The following NUPR2 variants were observed in gnomAD, a reference collection of about 807,000 sequenced individuals.
The protein encoded by NUPR2 is nuclear protein 2, transcriptional regulator.
Under a neutral mutation model 7.3 loss-of-function variants are expected in NUPR2, and 14 were observed. The ratio of observed to expected loss-of-function variants is 1.93; its 90% CI spans 1.27 to 3.01. The LOEUF is 3.01. Among genes scored for constraint, NUPR2 ranks in the 30% most tolerant of loss-of-function variants. The pLI, the probability that NUPR2 is intolerant of heterozygous loss-of-function variation, is 0.00. For synonymous variants in NUPR2, 56 were observed against 59.7 expected (o/e 0.94, Z 0.29); for missense variants, 162 against 143.7 (o/e 1.13, Z -0.65).
chr7:56,116,193 G>A lies in NUPR2; in HGVS notation c.122C>T (p.Pro41Leu). 1.9e-6 allele frequency: 3 copies of A among 1,548,884 alleles called. No individual in the cohort carries two copies. The highest frequency in any genetic ancestry group is 2.6e-6 in the Non-Finnish European group (3 of 1,145,962). Reference protein sequence around the residue: ...CLDYYYLRDFPACGAGRSKGR... With the variant: ...CLDYYYLRDFLACGAGRSKGR... ...CTTGCTGCGCCCTGCCCCGCAGGCC[G>A]GGAAGTCGCGCAGGTAGTAGTAGTC... The change falls in exon 1 of 2, where the codon CCG (proline) becomes CTG (leucine). Residue 41 changes from proline (P) to leucine (L), a missense_variant. Coordinates refer to ENST00000329309, the MANE Select transcript of NUPR2 (RefSeq NM_001145712.2).
intron 1 of NUPR2, 120 bp downstream of exon 1, chr7:56,115,895 T>C (rs1785541849): frequency 1.2e-6 from 1 of 847,292 alleles, no homozygotes; most frequent in Non-Finnish European, 1.7e-6. Flanking sequence ...CGGGTGCGGT[T>C]CCCTAATACG....
rs1306832660 is a variant in NUPR2, at chr7:56,115,435, G to GTATATATATATA, written c.*7-539_*7-538insTATATATATATA. Among the ~76,000 whole-genome samples, 54 of 32,234 alleles carry GTATATATATATA rather than the reference G, an allele frequency of 1.7e-3. 7 individuals carry two copies. The highest frequency in any genetic ancestry group is 6.8e-3 in the African/African-American group (44 of 6,456). The allele number at this position is 32,234 out of a possible 152,430, so 21.1% of individuals were successfully genotyped here. A position where few individuals can be genotyped will look rare whatever the true frequency, so the allele number is the denominator to read the frequency against. On this transcript the variant is annotated intron_variant, in intron 1 of 1. Coordinates refer to ENST00000329309, the MANE Select transcript of NUPR2 (RefSeq NM_001145712.2). ...TATATATATATATATATATTTGTGT[G>GTATATATATATA]TGTGTGTGTGTGTGTGTGTGTGTGT...
At position 56,116,200 on chromosome 7, in the gene NUPR2, C is replaced by T. The variant is rs1458109050; in HGVS notation, c.115G>A (p.Asp39Asn). Residue 39 changes from aspartate (D) to asparagine (N), a missense_variant, in exon 1 of 2, where the codon GAC becomes AAC. Asp to Asn is a conservative substitution (Grantham distance 23). Coordinates refer to ENST00000329309, the MANE Select transcript of NUPR2 (RefSeq NM_001145712.2). ...YDCLDYYYLR[D>N]FPACGAGRSK... is the part of the protein sequence containing the mutation. ...CGCCCTGCCCCGCAGGCCGGGAAGT[C>T]GCGCAGGTAGTAGTAGTCCAGGCAG... 1.3e-6 allele frequency: 2 copies of T among 1,548,826 alleles called. No individual in the cohort carries two copies. The highest frequency in any genetic ancestry group is 1.7e-6 in the Non-Finnish European group (2 of 1,145,962).
chr7:56,115,428 T>TATATATA (rs58684972), intron 1 of NUPR2, among the ~76,000 whole-genome samples: 1 of 45,922 alleles, frequency 2.2e-5, no homozygotes, highest in South Asian at 6.6e-4. Flanking sequence ...TATATATATA[T>TATATATA]TTGTGTGTGT....
chr7:56,115,605 A>C (rs2115619345), intron 1 of NUPR2, among the ~76,000 whole-genome samples: 1 of 121,220 alleles, frequency 8.2e-6, no homozygotes, highest in Non-Finnish European at 1.7e-5. Flanking sequence ...ACAGGCGCGC[A>C]CCACAGTGCC....
chr7:56,116,269 C>T lies in NUPR2; in HGVS notation c.46G>A (p.Ala16Thr). The T allele has an allele frequency of 6.5e-7, 1 of 1,530,898 alleles. No homozygotes were observed. The highest frequency in any genetic ancestry group is 1.4e-5 in the African/African-American group (1 of 69,760). The allele number at this position is 1,530,898 out of a possible 1,614,324, so 94.8% of individuals were successfully genotyped here. A position where few individuals can be genotyped will look rare whatever the true frequency, so the allele number is the denominator to read the frequency against. ...TAGCTTATGGGTGGCGGCGGCCGAG[C>T]CAGAGCCTGCAGACGTGGAAGCGCC... ...ERALPRLQAL[A>T]RPPPPISYEE... Residue 16 changes from alanine to threonine, a missense_variant, in exon 1 of 2, where the codon GCT (alanine) becomes ACT (threonine). Physicochemically the swap from Ala to Thr is moderately conservative, Grantham distance 58 (BLOSUM62 0). Coordinates refer to ENST00000329309, the MANE Select transcript of NUPR2 (RefSeq NM_001145712.2).
intron 1 of NUPR2, among the ~76,000 whole-genome samples, chr7:56,115,424 TA>T (rs1206375468): frequency 0.013 from 639 of 49,950 alleles, 3 homozygotes; most frequent in Non-Finnish European, 0.017. Flanking sequence ...TATATATATA[TA>T]TATTTGTGTG....
At chr7:56,115,672 A>T (rs1395463144) in intron 1 of NUPR2, among the ~76,000 whole-genome samples, 2 of 135,492 alleles carry the variant, frequency 1.5e-5, no homozygotes. Flanking sequence ...GGGTTTCACC[A>T]TATTGGCCAG....
At chr7:56,115,426 T>C (rs1562891816) in intron 1 of NUPR2, among the ~76,000 whole-genome samples, 11 of 48,686 alleles carry the variant, frequency 2.3e-4, no homozygotes, top group South Asian at 6.2e-4. Context: ...TATATATATA[T>C]ATTTGTGTGT....
intron 1 of NUPR2, among the ~76,000 whole-genome samples, chr7:56,115,626 TA>T (rs67662227): frequency 0.12 from 2,558 of 21,748 alleles, 129 homozygotes; most frequent in Middle Eastern, 0.21. Context: ...TGGCTAATTT[TA>T]TATATATATA....
rs115069654 is a variant in NUPR2, at chr7:56,116,216, G to C, written c.99C>G (p.Asp33Glu). The C allele has an allele frequency of 7.7e-4, 1,185 of 1,548,026 alleles. 8 individuals are homozygous for C. The African/African-American group carries it at 0.013, about 17-fold the overall frequency. Residue 33 changes from aspartate (D) to glutamate (E), a missense_variant, in exon 1 of 2, where the codon GAC becomes GAG. Transcript: ENST00000329309. ...SYEEELYDCL[D>E]YYYLRDFPAC... ...CCGGGAAGTCGCGCAGGTAGTAGTA[G>C]TCCAGGCAGTCGTAAAGCTCCTCCT...
chr7:56,115,418 T>TATATATAC (rs1785525753), intron 1 of NUPR2, among the ~76,000 whole-genome samples: 1 of 41,102 alleles, frequency 2.4e-5, no homozygotes, highest in Non-Finnish European at 4.2e-5. Context: ...TATATATATA[T>TATATATAC]ATATATATAT....
intron 1 of NUPR2, 71 bp downstream of exon 1, chr7:56,115,944 G>T: frequency 7.6e-7 from 1 of 1,319,232 alleles, no homozygotes; most frequent in Non-Finnish European, 9.9e-7. Context: ...AGGGCGAGCA[G>T]CGCCGCGCCG....
Position 56,116,167 on chromosome 7 carries a change from C to A in NUPR2, c.148G>T (p.Gly50Cys), listed in dbSNP as rs1322278788. 2 of 1,548,196 alleles carry A rather than the reference C, an allele frequency of 1.3e-6. No homozygotes were observed. The highest frequency in any genetic ancestry group is 2.0e-5 in the Admixed American group (1 of 50,882). ...FPACGAGRSK[G>C]RTRREQALRT... ...AGCGCCTGCTCGCGCCGAGTCCGGC[C>A]CTTGCTGCGCCCTGCCCCGCAGGCC... The change falls in exon 1 of 2, where the codon GGC (glycine) becomes TGC (cysteine). Residue 50 changes from glycine to cysteine, a missense_variant. By Grantham distance (159) the Gly-to-Cys change is radical (BLOSUM62 -3). Coordinates refer to ENST00000329309, the MANE Select transcript of NUPR2 (RefSeq NM_001145712.2).
intron 1 of NUPR2, among the ~76,000 whole-genome samples, chr7:56,115,449 G>T (rs55734442): frequency 0.053 from 1,949 of 37,034 alleles, 374 homozygotes; most frequent in East Asian, 0.22. Flanking sequence ...GTGTGTGTGT[G>T]TGTGTGTGTG....
At position 56,116,210 on chromosome 7, in the gene NUPR2, G is replaced by A; in HGVS notation, c.105C>T (p.Tyr35=). Residue 35 remains tyrosine, a synonymous_variant, in exon 1 of 2, where the codon TAC becomes TAT. Coordinates refer to ENST00000329309, the MANE Select transcript of NUPR2 (RefSeq NM_001145712.2). ...EEELYDCLDY[Y]YLRDFPACGA... is the part of the protein sequence containing the mutation. ...CGCAGGCCGGGAAGTCGCGCAGGTA[G>A]TAGTAGTCCAGGCAGTCGTAAAGCT... The A allele has an allele frequency of 6.5e-7, 1 of 1,548,578 alleles. No individual in the cohort carries two copies. The highest frequency in any genetic ancestry group is 8.7e-7 in the Non-Finnish European group (1 of 1,145,870).
Position 56,116,259 on chromosome 7 carries a change from G to T in NUPR2, c.56C>A (p.Pro19Gln). 1 of 1,537,968 alleles carries T rather than the reference G, an allele frequency of 6.5e-7. No homozygotes were observed. Among genetic ancestry groups the T allele is most frequent in the Non-Finnish European group, 8.8e-7 (1 of 1,141,794 alleles). The change falls in exon 1 of 2, where the codon CCG becomes CAG. Residue 19 changes from proline (P) to glutamine (Q), a missense_variant. Transcript: ENST00000329309. ...CTCCTCCTCGTAGCTTATGGGTGGC[G>T]GCGGCCGAGCCAGAGCCTGCAGACG... The part of the protein sequence containing the change: ...LPRLQALARP[P>Q]PPISYEEELY...
At position 56,116,125 on chromosome 7, in the gene NUPR2, C is replaced by G. The variant is rs1178214835; in HGVS notation, c.190G>C (p.Ala64Pro). The G allele has an allele frequency of 1.3e-6, 2 of 1,544,892 alleles. No homozygotes were observed. The highest frequency in any genetic ancestry group is 1.7e-6 in the Non-Finnish European group (2 of 1,144,622). Residue 64 changes from alanine to proline, a missense_variant, in exon 1 of 2, where the codon GCA (alanine) becomes CCA (proline). Physicochemically the swap from Ala to Pro is conservative, Grantham distance 27 (BLOSUM62 -1). Transcript: ENST00000329309. Reference protein sequence around the residue: ...REQALRTNWPAPGGHERKVAQ... With the variant: ...REQALRTNWPPPGGHERKVAQ... ...ACCTTGCGCTCGTGCCCGCCAGGTG[C>G]AGGCCAGTTGGTGCGCAGCGCCTGC...
At chr7:56,115,435 G>GTATA (rs1306832660) in intron 1 of NUPR2, among the ~76,000 whole-genome samples, 2 of 32,254 alleles carry the variant, frequency 6.2e-5, no homozygotes, top group African/African-American at 3.1e-4. Flanking sequence ...ATATTTGTGT[G>GTATA]TGTGTGTGTG....
Sources: allele counts gnomAD v4.1 joint callset (sites outside exome capture counted in the v4.1 genomes callset), GRCh38; gene constraint gnomAD v4.1.1; transcripts MANE v1.5; gene names NCBI Gene and HGNC (gene_info 2026-07-23, HGNC 2026-07-21).